Variants in SAMD8 observed in about 807,000 individuals in gnomAD.
SAMD8 encodes the protein sterile alpha motif domain containing 8, also known as sphingomyelin synthase-related protein 1.
Under a neutral mutation model 42.0 loss-of-function variants are expected in SAMD8, and 20 were observed. That is an observed-to-expected ratio of 0.48 (90% CI 0.34 to 0.69). The LOEUF is 0.69. Among genes scored for constraint, SAMD8 ranks in the 30% least tolerant of loss-of-function variants. SAMD8 has a pLI of 0.01. For missense variants in SAMD8, 328 were observed against 511.6 expected (o/e 0.64, Z 3.46); for synonymous variants, 162 against 173.0 (o/e 0.94, Z 0.50).
At chr10:75,162,266 C>T (rs1483626730) in intron 2 of SAMD8, among the ~76,000 whole-genome samples, 1 of 152,016 alleles carries the variant, frequency 6.6e-6, no homozygotes, top group African/African-American at 2.4e-5. Flanking sequence ...GACTGAAGCA[C>T]GAGAATTGCT....
At position 75,105,920 on chromosome 10, in the gene SAMD8, CG is replaced by C. The variant is rs1564666986; in HGVS notation, c.-16+6195del. 3 of 1,515,282 alleles carry C rather than the reference CG, an allele frequency of 2.0e-6. No individual in the cohort carries two copies. In the African/African-American group the frequency reaches 4.1e-5, roughly 21 times the overall value. 93.9% of individuals were successfully genotyped at this position (1,515,282 alleles called of 1,614,324 possible). ...CCTGTCCCACACACCGGCCCACCCA[CG>C]GGCTGGGATGGGGACCCAAGTTCCT... On this transcript the variant is annotated intron_variant, in intron 1 of 3. Coordinates refer to the SAMD8 transcript ENST00000447533.
chr10:75,169,298 A>G (rs1026790878), intron 4 of SAMD8, among the ~76,000 whole-genome samples: 5 of 150,622 alleles, frequency 3.3e-5, no homozygotes, highest in African/African-American at 1.2e-4. Context: ...CAGCCTGGCC[A>G]AGATGGTTAA....
intron 1 of SAMD8, among the ~76,000 whole-genome samples, chr10:75,147,086 C>A (rs1241320378): frequency 6.6e-6 from 1 of 152,126 alleles, no homozygotes; most frequent in African/African-American, 2.4e-5. Context: ...AAAACGTCAG[C>A]ATCAAAGCCT....
intron 1 of SAMD8, among the ~76,000 whole-genome samples, chr10:75,113,987 A>G (rs1019171746): frequency 6.6e-5 from 10 of 152,228 alleles, no homozygotes; most frequent in African/African-American, 1.9e-4. Context: ...AGCATGTCTA[A>G]TAGTTTTTTA....
At chr10:75,142,708 T>C (rs1840046888) in intron 1 of SAMD8, among the ~76,000 whole-genome samples, 1 of 151,884 alleles carries the variant, frequency 6.6e-6, no homozygotes, top group Admixed American at 6.6e-5. Context: ...GTGCTGGGAT[T>C]ACAGGCATGA....
intron 1 of SAMD8, among the ~76,000 whole-genome samples, chr10:75,116,386 G>C (rs1238067576): frequency 6.6e-6 from 1 of 151,902 alleles, no homozygotes; most frequent in Non-Finnish European, 1.5e-5. Context: ...GATTACAGGT[G>C]TGAGTGTCTT....
intron 2 of SAMD8, among the ~76,000 whole-genome samples, chr10:75,155,341 G>A (rs1205974828): frequency 6.6e-6 from 1 of 151,972 alleles, no homozygotes; most frequent in Non-Finnish European, 1.5e-5. Context: ...AGCAAATTCA[G>A]ATGTCAAGGA....
intron 1 of SAMD8, among the ~76,000 whole-genome samples, chr10:75,120,126 G>A (rs555437555): frequency 6.6e-6 from 1 of 152,146 alleles, no homozygotes; most frequent in East Asian, 1.9e-4. Context: ...CTTGTGTGTT[G>A]GTATAATTAA....
chr10:75,172,081 T>A (rs1468955577), intron 4 of SAMD8, among the ~76,000 whole-genome samples: 1 of 151,596 alleles, frequency 6.6e-6, no homozygotes, highest in African/African-American at 2.4e-5. Context: ...AAAAGATGAG[T>A]TTTTCACTAC....
At position 75,151,026 on chromosome 10, in the gene SAMD8, A is replaced by G. The variant is rs143962624; in HGVS notation, c.498A>G (p.Thr166=). The G allele has an allele frequency of 1.6e-4, 256 of 1,603,728 alleles. No individual in the cohort carries two copies. The highest frequency in any genetic ancestry group is 2.0e-4 in the Non-Finnish European group (236 of 1,174,668). ...CIYVFIVFGF[T]SFIMVIVHER... ...ATGTTTTTATAGTATTTGGATTTAC[A>G]TCTTTCATTATGGTTATAGTCCATG... Residue 166 remains threonine (T), a synonymous_variant, in exon 2 of 6, where the codon ACA becomes ACG. Transcript: ENST00000542569.
At chr10:75,163,867 GA>G (rs370211469) in intron 2 of SAMD8, among the ~76,000 whole-genome samples, 49 of 151,538 alleles carry the variant, frequency 3.2e-4, no homozygotes, top group Non-Finnish European at 6.2e-4. Flanking sequence ...ATTGAAAATA[GA>G]AAAAAAACCA....
At chr10:75,154,270 C>T (rs1049030857) in intron 2 of SAMD8, among the ~76,000 whole-genome samples, 3 of 152,134 alleles carry the variant, frequency 2.0e-5, no homozygotes, top group African/African-American at 7.2e-5. Context: ...GCAGATTTCT[C>T]CAAAGTAAGG....
chr10:75,105,411 G>C (rs947649561), intron 1 of SAMD8, among the ~76,000 whole-genome samples: 1 of 152,160 alleles, frequency 6.6e-6, no homozygotes, highest in Non-Finnish European at 1.5e-5. Context: ...AAGGATCCAG[G>C]TGGGGTGGGG....
chr10:75,125,770 G>GCCTT (rs1849117737), intron 1 of SAMD8: 1 of 152,354 alleles, frequency 6.6e-6, no homozygotes, highest in African/African-American at 2.4e-5. Context: ...TTCGCAGAAA[G>GCCTT]GTAGTCAAGA....
chr10:75,165,977 CAA>C (rs56839743), intron 3 of SAMD8, among the ~76,000 whole-genome samples: 7 of 62,498 alleles, frequency 1.1e-4, no homozygotes, highest in Admixed American at 3.5e-4. Context: ...ACCCTGTCTC[CAA>C]AAAAAAAAAA....
intron 2 of SAMD8, among the ~76,000 whole-genome samples, chr10:75,161,416 G>C (rs1327515863): frequency 6.6e-6 from 1 of 152,084 alleles, no homozygotes; most frequent in Non-Finnish European, 1.5e-5. Context: ...TGCGCACCCT[G>C]AGTGCGCAGA....
chr10:75,137,096 A>G (rs1197435649), intron 1 of SAMD8, among the ~76,000 whole-genome samples: 1 of 152,252 alleles, frequency 6.6e-6, no homozygotes. Flanking sequence ...AAGTAAAAGC[A>G]GGGACTTGAA....
chr10:75,165,553 C>T (rs1228591265), intron 3 of SAMD8, among the ~76,000 whole-genome samples: 2 of 151,820 alleles, frequency 1.3e-5, no homozygotes. Flanking sequence ...GCCTGTAGTC[C>T]CAGCTAACTT....
At chr10:75,134,093 G>T (rs1280827486) in intron 1 of SAMD8, among the ~76,000 whole-genome samples, 1 of 152,088 alleles carries the variant, frequency 6.6e-6, no homozygotes, top group Non-Finnish European at 1.5e-5. Context: ...CTCAGTAATG[G>T]TATTGCTGGG....
Sources: allele counts gnomAD v4.1 joint callset (sites outside exome capture counted in the v4.1 genomes callset), GRCh38; gene constraint gnomAD v4.1.1; transcripts MANE v1.5; gene names NCBI Gene and HGNC (gene_info 2026-07-23, HGNC 2026-07-21).